Variants in DPP10 observed in about 807,000 individuals in gnomAD.
The protein encoded by DPP10 is dipeptidyl peptidase like 10, also known as inactive dipeptidyl peptidase 10.
DPP10 carries 33 observed loss-of-function variants against 120.9 expected under a neutral mutation model. That is an observed-to-expected ratio of 0.27 (90% CI 0.21 to 0.37). The LOEUF (loss-of-function observed/expected upper bound fraction) is 0.37, where lower values mean the gene tolerates loss of function less well. DPP10 is among the 10% of genes least tolerant of loss of function. DPP10 has a pLI of 1.00. For missense variants in DPP10, 816 were observed against 942.8 expected (o/e 0.87, Z 1.76); for synonymous variants, 337 against 326.1 (o/e 1.03, Z -0.36).
At chr2:115,588,599 T>G (rs1198435537) in intron 5 of DPP10, among the ~76,000 whole-genome samples, 2 of 152,214 alleles carry the variant, frequency 1.3e-5, no homozygotes, top group African/African-American at 2.4e-5. Flanking sequence ...AATCATGTGT[T>G]GCACACACAG....
chr2:115,034,674 T>C (rs1294907157), intron 1 of DPP10, among the ~76,000 whole-genome samples: 1 of 152,244 alleles, frequency 6.6e-6, no homozygotes, highest in Non-Finnish European at 1.5e-5. Context: ...TCAATAATTC[T>C]TAGTTAACAC....
chr2:115,442,051 A>G (rs1336054781), intron 3 of DPP10, among the ~76,000 whole-genome samples: 1 of 150,982 alleles, frequency 6.6e-6, no homozygotes, highest in Non-Finnish European at 1.5e-5. Context: ...TGACTTCATG[A>G]TCTGCCCGCC....
intron 1 of DPP10, among the ~76,000 whole-genome samples, chr2:115,202,892 C>A (rs2055841196): frequency 1.3e-5 from 2 of 152,130 alleles, no homozygotes; most frequent in African/African-American, 2.4e-5. Context: ...GAAGAAAATA[C>A]CTTTCTCTTG....
intron 7 of DPP10, among the ~76,000 whole-genome samples, chr2:115,702,093 G>A (rs1000874445): frequency 1.3e-5 from 2 of 152,030 alleles, no homozygotes; most frequent in African/African-American, 2.4e-5. Flanking sequence ...ATAGGGACAT[G>A]TATATCCTGC....
chr2:115,459,323 AT>A (rs1314981733), intron 3 of DPP10, among the ~76,000 whole-genome samples: 3 of 151,424 alleles, frequency 2.0e-5, no homozygotes, highest in Non-Finnish European at 4.4e-5. Flanking sequence ...CGCCCGGCTA[AT>A]TTTTGTATTT....
At chr2:114,694,466 A>G (rs937166001) in intron 1 of DPP10, among the ~76,000 whole-genome samples, 9 of 151,938 alleles carry the variant, frequency 5.9e-5, no homozygotes, top group African/African-American at 2.2e-4. Context: ...TCAGATACCA[A>G]TTCTCTCAGT....
At chr2:114,752,675 C>T (rs527436391) in intron 1 of DPP10, among the ~76,000 whole-genome samples, 1 of 152,274 alleles carries the variant, frequency 6.6e-6, no homozygotes, top group Non-Finnish European at 1.5e-5. Flanking sequence ...GACTCTTGGT[C>T]CAGGGTGGGG....
intron 1 of DPP10, chr2:115,161,365 C>G (rs1011646593): frequency 2.6e-5 from 4 of 152,148 alleles, no homozygotes; most frequent in Non-Finnish European, 4.4e-5. Flanking sequence ...GTGCTTCGCA[C>G]GGGCGCGCTC....
At chr2:114,594,738 A>G (rs549121591) in intron 1 of DPP10, among the ~76,000 whole-genome samples, 1 of 152,070 alleles carries the variant, frequency 6.6e-6, no homozygotes, top group South Asian at 2.1e-4. Context: ...CAGAGGAGTG[A>G]ATTATATTGA....
chr2:115,755,537 C>G (rs987929804), intron 11 of DPP10, among the ~76,000 whole-genome samples: 1 of 151,880 alleles, frequency 6.6e-6, no homozygotes, highest in African/African-American at 2.4e-5. Flanking sequence ...AAAACTGAAC[C>G]GTAATTTCCA....
At chr2:115,175,016 A>G (rs1334096135) in intron 1 of DPP10, among the ~76,000 whole-genome samples, 1 of 152,248 alleles carries the variant, frequency 6.6e-6, no homozygotes, top group Non-Finnish European at 1.5e-5. Flanking sequence ...GTGAGAAACC[A>G]TTCTTGAAGG....
chr2:114,719,186 A>G (rs890000703), intron 1 of DPP10, among the ~76,000 whole-genome samples: 2 of 152,168 alleles, frequency 1.3e-5, no homozygotes, highest in South Asian at 4.1e-4. Context: ...TGAGGTTTCA[A>G]TTTAGCTACA....
intron 3 of DPP10, among the ~76,000 whole-genome samples, chr2:115,361,312 C>T (rs541777318): frequency 6.6e-6 from 1 of 152,188 alleles, no homozygotes; most frequent in South Asian, 2.1e-4. Flanking sequence ...CAGCTTTGTC[C>T]TTCTGCCCAT....
intron 1 of DPP10, among the ~76,000 whole-genome samples, chr2:114,978,550 G>C (rs1190492177): frequency 6.6e-6 from 1 of 152,058 alleles, no homozygotes; most frequent in Non-Finnish European, 1.5e-5. Context: ...TCCAGTAACA[G>C]ACAAGACACT....
At chr2:115,154,959 TTGGC>T (rs2051805361) in intron 1 of DPP10, among the ~76,000 whole-genome samples, 1 of 151,822 alleles carries the variant, frequency 6.6e-6, no homozygotes. Flanking sequence ...TGGCGCCATC[TTGGC>T]TCACTGCAAC....
intron 1 of DPP10, among the ~76,000 whole-genome samples, chr2:114,908,000 G>A (rs896933891): frequency 1.3e-5 from 2 of 151,794 alleles, no homozygotes; most frequent in Admixed American, 6.6e-5. Flanking sequence ...GTGCATATAT[G>A]TTTGTAATTG....
chr2:115,280,324 A>G (rs1445691088), intron 1 of DPP10, among the ~76,000 whole-genome samples: 1 of 152,172 alleles, frequency 6.6e-6, no homozygotes, highest in Non-Finnish European at 1.5e-5. Flanking sequence ...TATCTATTTA[A>G]AAAATGAATA....
At chr2:114,474,201 C>G (rs564892946) in intron 1 of DPP10, among the ~76,000 whole-genome samples, 2 of 152,338 alleles carry the variant, frequency 1.3e-5, no homozygotes, top group South Asian at 4.2e-4. Flanking sequence ...AGTGATCCAC[C>G]CGCCTTGGCC....
intron 1 of DPP10, among the ~76,000 whole-genome samples, chr2:115,157,933 A>G (rs894887758): frequency 6.6e-6 from 1 of 152,156 alleles, no homozygotes; most frequent in East Asian, 1.9e-4. Context: ...GGGAGCAAAG[A>G]GAAGGAAAAT....
Sources: allele counts gnomAD v4.1 joint callset (sites outside exome capture counted in the v4.1 genomes callset), GRCh38; gene constraint gnomAD v4.1.1; transcripts MANE v1.5; gene names NCBI Gene and HGNC (gene_info 2026-07-23, HGNC 2026-07-21).